Variants in SORCS2 observed in about 807,000 individuals in gnomAD.
The protein encoded by SORCS2 is VPS10 domain-containing receptor SorCS2.
Under a neutral mutation model 141.6 loss-of-function variants are expected in SORCS2, and 100 were observed. The observed-to-expected ratio is 0.71, with a 90% CI of 0.60 to 0.83. The LOEUF is 0.83. Among genes scored for constraint, SORCS2 ranks in the 40% least tolerant of loss-of-function variants. The probability of loss-of-function intolerance (pLI) is 0.00; values close to 1 mark genes in which losing one functional copy is unlikely to be tolerated. For synonymous variants in SORCS2, 789 were observed against 676.9 expected (o/e 1.17, Z -2.57); for missense variants, 1,646 against 1,560.2 (o/e 1.05, Z -0.93).
intron 2 of SORCS2, among the ~76,000 whole-genome samples, chr4:7,401,040 C>T (rs111161305): frequency 0.16 from 22,289 of 137,886 alleles, 1,772 homozygotes; most frequent in Non-Finnish European, 0.19. Context: ...GATGGATGGA[C>T]GGACAGATGG....
At chr4:7,406,187 C>T (rs192434596) in intron 2 of SORCS2, among the ~76,000 whole-genome samples, 4 of 126,570 alleles carry the variant, frequency 3.2e-5, no homozygotes, top group Admixed American at 1.5e-4. Context: ...TCATATTGAC[C>T]TGTCGTTTTT....
At chr4:7,599,035 C>T (rs1049576738) in intron 3 of SORCS2, among the ~76,000 whole-genome samples, 1 of 152,218 alleles carries the variant, frequency 6.6e-6, no homozygotes, top group Non-Finnish European at 1.5e-5. Context: ...AGAAGTGGGC[C>T]GATGAGAGGT....
chr4:7,674,431 G>A (rs1271485124), intron 8 of SORCS2, among the ~76,000 whole-genome samples: 1 of 151,120 alleles, frequency 6.6e-6, no homozygotes, highest in African/African-American at 2.4e-5. Flanking sequence ...AAATTAGCTG[G>A]GCATAGTGGC....
Position 7,729,669 on chromosome 4 carries a change from C to T in SORCS2, c.3065C>T (p.Pro1022Leu), listed in dbSNP as rs575668468. The stretch of plus-strand genomic sequence containing the variant: ...TTGGCCGATCTGTACGTGCTCCTGC[C>T]CCCTCCCAGGCCCACAAGGAAGAGG... ...PTLADLYVLL[P>L]PPRPTRKRSL... The change falls in exon 23 of 27, where the codon CCC becomes CTC. Residue 1022 changes from proline (P) to leucine (L), a missense_variant. Coordinates refer to ENST00000507866, the MANE Select transcript of SORCS2 (RefSeq NM_020777.3). 1.9e-6 allele frequency: 3 copies of T among 1,608,910 alleles called. No homozygotes were observed. Among genetic ancestry groups the T allele is most frequent in the Non-Finnish European group, 2.5e-6 (3 of 1,177,906 alleles).
At chr4:7,214,190 T>C (rs1728199978) in intron 1 of SORCS2, among the ~76,000 whole-genome samples, 1 of 152,094 alleles carries the variant, frequency 6.6e-6, no homozygotes, top group African/African-American at 2.4e-5. Flanking sequence ...CCTCCTAAAC[T>C]CAATGCTGAA....
intron 4 of SORCS2, among the ~76,000 whole-genome samples, chr4:7,653,634 T>C (rs1379404535): frequency 2.6e-5 from 4 of 152,202 alleles, no homozygotes; most frequent in Non-Finnish European, 4.4e-5. Context: ...CCCTGGGCGA[T>C]GGCACTGGTC....
Position 7,396,409 on chromosome 4 carries a change from C to T in SORCS2, c.548+54C>T. 3 of 1,583,366 alleles carry T rather than the reference C, an allele frequency of 1.9e-6. No individual in the cohort carries two copies. In the South Asian group the frequency reaches 3.4e-5, roughly 18 times the overall value. Reference sequence around the variant, plus strand: ...CTTATGCACCTGCGTGCCATCTTCCCAGGCTCTCAGCTGAGGACCGAGATC... The same window carrying T: ...CTTATGCACCTGCGTGCCATCTTCCTAGGCTCTCAGCTGAGGACCGAGATC... On this transcript the variant is annotated intron_variant, in intron 2 of 26. Coordinates refer to ENST00000507866, the MANE Select transcript of SORCS2 (RefSeq NM_020777.3).
At chr4:7,601,679 T>TTTG (rs1717692275) in intron 3 of SORCS2, among the ~76,000 whole-genome samples, 11 of 131,780 alleles carry the variant, frequency 8.3e-5, no homozygotes, top group East Asian at 2.0e-4. Context: ...TTGTTTGTTT[T>TTTG]TTTAGTATTT....
rs1483927516 is a variant in SORCS2 at position 7,193,727 on chromosome 4, C to T, written c.480+601C>T. 6.6e-6 allele frequency among the ~76,000 whole-genome samples: 1 copy of T among 152,222 alleles called. No individual in the cohort carries two copies. Among genetic ancestry groups the T allele is most frequent in the Non-Finnish European group, 1.5e-5 (1 of 68,026 alleles). ...TGCTGCCGGTCGCCCCGCCTGGATG[C>T]ACTGGGACCCGCGTACCCCCTTGGG... On this transcript the variant is annotated intron_variant, in intron 1 of 26. Transcript: ENST00000507866. This position sits in a 1 kb window ranked among gnomAD's most constrained non-coding sequence, Gnocchi z 4.8.
chr4:7,663,686 C>T lies in SORCS2; in HGVS notation c.953-667C>T, dbSNP rs1312812455. 6.6e-6 allele frequency among the ~76,000 whole-genome samples: 1 copy of T among 152,142 alleles called. No individual in the cohort carries two copies. The highest frequency in any genetic ancestry group is 1.5e-5 in the Non-Finnish European group (1 of 68,030). The stretch of plus-strand genomic sequence containing the variant: ...CTTCCCTTAACCATTCTCCATGCTG[C>T]CGGGTCACCCAAGGCTGGGGGCAGG... On this transcript the variant is annotated intron_variant, in intron 6 of 26. Transcript: ENST00000507866. The surrounding 1 kb of genome is among the most constrained non-coding windows in gnomAD (Gnocchi z 4.8).
intron 3 of SORCS2, among the ~76,000 whole-genome samples, chr4:7,612,128 C>T (rs17368202): frequency 0.23 from 34,870 of 152,086 alleles, 4,113 homozygotes; most frequent in Middle Eastern, 0.26. Context: ...GCTGACGGGC[C>T]GAGTTTCCGG....
intron 2 of SORCS2, among the ~76,000 whole-genome samples, chr4:7,500,638 GGA>G (rs1460637893): frequency 1.3e-5 from 2 of 151,420 alleles, no homozygotes; most frequent in Non-Finnish European, 1.5e-5. Flanking sequence ...TGTGCCGGCT[GGA>G]GAAATAACCA....
In SORCS2 at chr4:7,648,096, G is replaced by A. The variant is rs1001892151; in HGVS notation, c.814-6038G>A. 7.9e-5 allele frequency among the ~76,000 whole-genome samples: 12 copies of A among 152,282 alleles called. No individual in the cohort carries two copies. The highest frequency in any genetic ancestry group is 5.8e-4 in the East Asian group (3 of 5,182). ...GCCGGCCCCTGAGGGCTCTGCTTAC[G>A]GTGGGGCAGGTGGGGTGGCGGGCAC... On this transcript the variant is annotated intron_variant, in intron 4 of 26. Coordinates refer to ENST00000507866, the MANE Select transcript of SORCS2 (RefSeq NM_020777.3). This position sits in a 1 kb window ranked among gnomAD's most constrained non-coding sequence, Gnocchi z 4.2.
chr4:7,331,690 G>C lies in SORCS2; in HGVS notation c.481-64598G>C, dbSNP rs558816205. 1.8e-4 allele frequency among the ~76,000 whole-genome samples: 28 copies of C among 152,284 alleles called. No individual in the cohort carries two copies. The South Asian group carries it at 3.5e-3, about 19-fold the overall frequency. On this transcript the variant is annotated intron_variant, in intron 1 of 26. Coordinates refer to ENST00000507866, the MANE Select transcript of SORCS2 (RefSeq NM_020777.3). ...TTAAAATGCACATTCTGATTCAGTG[G>C]GTCGGGGTGAAGCAGGAAAGTCTGT...
At chr4:7,513,084 C>G (rs943519988) in intron 2 of SORCS2, among the ~76,000 whole-genome samples, 3 of 140,148 alleles carry the variant, frequency 2.1e-5, no homozygotes, top group African/African-American at 7.4e-5. Context: ...CCTGAAGAAT[C>G]AGACAGACCC....
chr4:7,453,644 C>G (rs1236558669), intron 2 of SORCS2, among the ~76,000 whole-genome samples: 3 of 111,750 alleles, frequency 2.7e-5, no homozygotes, highest in East Asian at 3.0e-4. Context: ...GGGTCAGGCA[C>G]TGTGTTGGGG....
At chr4:7,318,355 C>T (rs1167579448) in intron 1 of SORCS2, among the ~76,000 whole-genome samples, 1 of 152,146 alleles carries the variant, frequency 6.6e-6, no homozygotes, top group African/African-American at 2.4e-5. Context: ...CCACTCCTTG[C>T]AAGGCGAATG....
Position 7,405,010 on chromosome 4 carries a change from C to G in SORCS2, c.548+8655C>G, listed in dbSNP as rs536221159. 7.9e-5 allele frequency among the ~76,000 whole-genome samples: 12 copies of G among 152,230 alleles called. No homozygotes were observed. The South Asian group carries it at 8.3e-4, about 11-fold the overall frequency. On this transcript the variant is annotated intron_variant, in intron 2 of 26. Coordinates refer to ENST00000507866, the MANE Select transcript of SORCS2 (RefSeq NM_020777.3). ...TGGGCCTTACATTAAAGTCTTTAATCCATCTTGAGTTGATTTTTGTATATG... is the reference window on the plus strand; with the variant it reads ...TGGGCCTTACATTAAAGTCTTTAATGCATCTTGAGTTGATTTTTGTATATG...
chr4:7,216,731 C>T (rs148268521), intron 1 of SORCS2, among the ~76,000 whole-genome samples: 1 of 152,248 alleles, frequency 6.6e-6, no homozygotes, highest in African/African-American at 2.4e-5. Context: ...AATACAGGCT[C>T]CTCTCCCTTC....
Sources: gnomAD v4.1 joint callset for allele counts (sites outside exome capture counted in the v4.1 genomes callset) on GRCh38, gnomAD v4.1.1 for gene constraint, Gnocchi (gnomAD v3.1) non-coding constraint, MANE v1.5 for transcripts, NCBI Gene and HGNC (gene_info 2026-07-23, HGNC 2026-07-21) for gene names.